Variants in SEMA3A observed in about 807,000 individuals in gnomAD.
SEMA3A encodes semaphorin 3A, also known as semaphorin-3A.
Under a neutral mutation model 97.9 loss-of-function variants are expected in SEMA3A, and 29 were observed. The observed-to-expected ratio is 0.30, with a 90% CI of 0.22 to 0.40. The LOEUF (loss-of-function observed/expected upper bound fraction) is 0.40. Ranked by LOEUF, SEMA3A falls within the 10% of genes least tolerant of loss-of-function variation. The pLI is 1.00. For missense variants in SEMA3A, 763 were observed against 951.3 expected (o/e 0.80, Z 2.60); for synonymous variants, 321 against 323.7 (o/e 0.99, Z 0.09).
intron 3 of SEMA3A, among the ~76,000 whole-genome samples, chr7:84,212,594 T>A (rs537427759): frequency 3.3e-5 from 5 of 152,318 alleles, no homozygotes; most frequent in African/African-American, 9.6e-5. Context: ...ACACACATGA[T>A]AAATTTCTCC....
intron 3 of SEMA3A, among the ~76,000 whole-genome samples, chr7:84,292,365 C>A (rs1231004088): frequency 6.6e-6 from 1 of 151,422 alleles, no homozygotes; most frequent in Non-Finnish European, 1.5e-5. Context: ...TTCTGCTAAG[C>A]ATTATTATTA....
At chr7:84,295,787 T>C (rs553962088) in intron 3 of SEMA3A, among the ~76,000 whole-genome samples, 37 of 152,254 alleles carry the variant, frequency 2.4e-4, no homozygotes, top group Middle Eastern at 3.4e-3. Flanking sequence ...CTCTCAGTTA[T>C]AATAAAATAC....
At chr7:84,031,734 G>A (rs1288060590) in intron 6 of SEMA3A, among the ~76,000 whole-genome samples, 2 of 152,074 alleles carry the variant, frequency 1.3e-5, no homozygotes, top group African/African-American at 2.4e-5. Context: ...TACTCGGGAG[G>A]CTGAGGCAGG....
At chr7:84,422,912 C>T (rs1303682371) in intron 1 of SEMA3A, among the ~76,000 whole-genome samples, 3 of 152,014 alleles carry the variant, frequency 2.0e-5, no homozygotes, top group Non-Finnish European at 4.4e-5. Context: ...AGCATGCAAA[C>T]TCAGTTTAAT....
At chr7:84,327,500 C>T (rs1165334017) in intron 2 of SEMA3A, among the ~76,000 whole-genome samples, 1 of 151,698 alleles carries the variant, frequency 6.6e-6, no homozygotes, top group African/African-American at 2.4e-5. Context: ...AGGATTTTTT[C>T]ACATATAGCA....
At chr7:84,332,532 T>C (rs942002014) in intron 2 of SEMA3A, among the ~76,000 whole-genome samples, 7 of 152,070 alleles carry the variant, frequency 4.6e-5, no homozygotes, top group Non-Finnish European at 1.0e-4. Context: ...GAAAAGACAA[T>C]TTAAAATCAT....
chr7:84,256,435 A>T (rs1799722467), intron 3 of SEMA3A, among the ~76,000 whole-genome samples: 1 of 152,016 alleles, frequency 6.6e-6, no homozygotes, highest in Admixed American at 6.6e-5. Flanking sequence ...CCATTATTTC[A>T]ATCATTATTT....
intron 1 of SEMA3A, among the ~76,000 whole-genome samples, chr7:84,490,626 C>T (rs960256440): frequency 1.3e-5 from 2 of 152,008 alleles, no homozygotes; most frequent in African/African-American, 4.8e-5. Context: ...TGTTGTGTTG[C>T]TATCATATAA....
chr7:84,344,008 G>C (rs199957289), intron 2 of SEMA3A, among the ~76,000 whole-genome samples: 1 of 147,834 alleles, frequency 6.8e-6, no homozygotes, highest in Non-Finnish European at 1.5e-5. Flanking sequence ...ACTTTGTTTC[G>C]GGGAAAAAAA....
chr7:84,286,983 A>AT (rs1800605436), intron 3 of SEMA3A, among the ~76,000 whole-genome samples: 1 of 152,060 alleles, frequency 6.6e-6, no homozygotes, highest in South Asian at 2.1e-4. Context: ...AACTATATTT[A>AT]TTTTTTATAA....
chr7:84,083,665 T>C (rs1215477827), intron 4 of SEMA3A, among the ~76,000 whole-genome samples: 1 of 152,076 alleles, frequency 6.6e-6, no homozygotes, highest in Admixed American at 6.6e-5. Flanking sequence ...AAATTTGCTA[T>C]ATAATTGTAT....
At chr7:84,159,653 A>G (rs542214725) in intron 1 of SEMA3A, among the ~76,000 whole-genome samples, 1 of 152,294 alleles carries the variant, frequency 6.6e-6, no homozygotes, top group East Asian at 1.9e-4. Context: ...ACATTAAGGC[A>G]ATTTGCAGTT....
chr7:84,304,720 T>C (rs1233025911), intron 3 of SEMA3A, among the ~76,000 whole-genome samples: 1 of 151,998 alleles, frequency 6.6e-6, no homozygotes. Context: ...ATAGTGCAAT[T>C]TCACAAGCGA....
chr7:84,398,698 C>A (rs1803807959), intron 1 of SEMA3A, among the ~76,000 whole-genome samples: 1 of 151,912 alleles, frequency 6.6e-6, no homozygotes. Context: ...GTCTTAGCTA[C>A]TCAGGAGGCT....
intron 3 of SEMA3A, among the ~76,000 whole-genome samples, chr7:84,200,788 G>T (rs186193903): frequency 0.073 from 9,416 of 129,624 alleles, 336 homozygotes; most frequent in African/African-American, 0.11. Flanking sequence ...AAATACCTGG[G>T]TTTTTTTTCC....
At chr7:83,990,100 G>A in intron 12 of SEMA3A, among the ~76,000 whole-genome samples, 1 of 151,642 alleles carries the variant, frequency 6.6e-6, no homozygotes, top group East Asian at 2.0e-4. Flanking sequence ...GTGTTTTTTG[G>A]CTGCATAAAT....
chr7:84,097,940 C>T (rs1454325231), intron 4 of SEMA3A, among the ~76,000 whole-genome samples: 1 of 151,900 alleles, frequency 6.6e-6, no homozygotes, highest in Non-Finnish European at 1.5e-5. Context: ...TCCAAAGATT[C>T]ATAAGTACAA....
intron 1 of SEMA3A, among the ~76,000 whole-genome samples, chr7:84,379,510 T>A (rs988906114): frequency 6.6e-6 from 1 of 152,158 alleles, no homozygotes; most frequent in African/African-American, 2.4e-5. Context: ...AAACTACCCA[T>A]GAGAGACTCT....
chr7:84,274,489 G>A (rs892723672), intron 3 of SEMA3A, among the ~76,000 whole-genome samples: 1 of 152,072 alleles, frequency 6.6e-6, no homozygotes, highest in African/African-American at 2.4e-5. Context: ...GAAAGGGGTT[G>A]CCCGGAACAA....
Sources: gnomAD v4.1 joint callset for allele counts (sites outside exome capture counted in the v4.1 genomes callset) on GRCh38, gnomAD v4.1.1 for gene constraint, MANE v1.5 for transcripts, NCBI Gene and HGNC (gene_info 2026-07-23, HGNC 2026-07-21) for gene names.